Variants in FSD1L observed in about 807,000 individuals in gnomAD.
The protein encoded by FSD1L is fibronectin type III and SPRY domain containing 1 like.
In FSD1L, 45 loss-of-function variants were observed where a neutral mutation model predicts 71.6. The observed-to-expected ratio is 0.63, with a 90% CI of 0.49 to 0.81. The LOEUF is 0.81. Among genes scored for constraint, FSD1L ranks in the 30% least tolerant of loss-of-function variants. The pLI is 0.00. For missense variants in FSD1L, 561 were observed against 618.1 expected (o/e 0.91, Z 0.98); for synonymous variants, 197 against 207.2 (o/e 0.95, Z 0.42).
rs146311356 is a variant in FSD1L, at chr9:105,487,199, A to G, written c.586+2697A>G. 3.8e-3 allele frequency among the ~76,000 whole-genome samples: 573 copies of G among 152,204 alleles called. 7 individuals are homozygous for G. The highest frequency in any genetic ancestry group is 0.013 in the African/African-American group (541 of 41,540). On this transcript the variant is annotated intron_variant, in intron 7 of 13. Transcript: ENST00000481272. ...TGTAATTAGTTCTTGATGAGTATTT[A>G]GGTTTATAGTCTTTTCATTAGAAAC... is the stretch of plus-strand genomic sequence containing the variant.
chr9:105,456,443 C>A (rs1830361044), intron 1 of FSD1L, among the ~76,000 whole-genome samples: 1 of 152,140 alleles, frequency 6.6e-6, no homozygotes, highest in African/African-American at 2.4e-5. Context: ...TACCAAAGTG[C>A]TCTTTTGCTC....
intron 1 of FSD1L, among the ~76,000 whole-genome samples, chr9:105,454,552 A>G (rs1830247545): frequency 6.6e-6 from 1 of 152,194 alleles, no homozygotes; most frequent in Admixed American, 6.5e-5. Context: ...GTTAGTTTAT[A>G]CTAATACTCG....
At chr9:105,516,943 A>G (rs1002027336) in intron 10 of FSD1L, among the ~76,000 whole-genome samples, 2 of 152,354 alleles carry the variant, frequency 1.3e-5, no homozygotes, top group African/African-American at 4.8e-5. Context: ...GGTTAGATGA[A>G]TTGCTAACTA....
intron 7 of FSD1L, among the ~76,000 whole-genome samples, chr9:105,493,926 C>G (rs1349746232): frequency 1.3e-5 from 2 of 152,138 alleles, no homozygotes; most frequent in Admixed American, 1.3e-4. Context: ...CTCTGGCTGC[C>G]CTTAACATTT....
chr9:105,536,295 C>T (rs1288198567), intron 12 of FSD1L, among the ~76,000 whole-genome samples: 2 of 152,210 alleles, frequency 1.3e-5, no homozygotes, highest in Non-Finnish European at 2.9e-5. Context: ...CATGTTCACA[C>T]GATAATCCTT....
At chr9:105,505,651 T>C (rs1172631558) in intron 7 of FSD1L, among the ~76,000 whole-genome samples, 1 of 152,226 alleles carries the variant, frequency 6.6e-6, no homozygotes, top group Non-Finnish European at 1.5e-5. Context: ...TTCATTGATA[T>C]CATTATATAA....
rs560548365 is a variant in FSD1L, at chr9:105,463,007, G to A, written c.112-1229G>A. Among the ~76,000 whole-genome samples, 313 of 151,028 alleles carry A rather than the reference G, an allele frequency of 2.1e-3. 1 individual carries two copies. The highest frequency in any genetic ancestry group is 7.1e-3 in the African/African-American group (293 of 41,232). The stretch of plus-strand genomic sequence containing the variant: ...GCAAAAATTAGCTGGGCGTGGTGGC[G>A]GACACCTGTAATTCCAGCTACTCGG... On this transcript the variant is annotated intron_variant, in intron 2 of 13. Coordinates refer to ENST00000481272, the MANE Select transcript of FSD1L (RefSeq NM_001145313.3).
At chr9:105,544,633 C>G (rs1454708846) in intron 13 of FSD1L, among the ~76,000 whole-genome samples, 1 of 151,952 alleles carries the variant, frequency 6.6e-6, no homozygotes, top group Non-Finnish European at 1.5e-5. Flanking sequence ...CCAGTTTCAG[C>G]TTTCTACATA....
At position 105,546,419 on chromosome 9, in the gene FSD1L, T is replaced by C; in HGVS notation, c.1529T>C (p.Leu510Pro). The C allele has an allele frequency of 6.4e-7, 1 of 1,550,406 alleles. No homozygotes were observed. Among genetic ancestry groups the C allele is most frequent in the Non-Finnish European group, 8.7e-7 (1 of 1,146,146 alleles). The change falls in exon 14 of 14, where the codon CTT becomes CCT. Residue 510 changes from leucine (L) to proline (P), a missense_variant. This residue lies in a region of FSD1L where 98 missense variants were observed against 102.3 expected (regional missense o/e 0.96). Coordinates refer to ENST00000481272, the MANE Select transcript of FSD1L (RefSeq NM_001145313.3). Reference protein sequence around the residue: ...GMQVPSAVRTLQKSENGMTGS... With the variant: ...GMQVPSAVRTPQKSENGMTGS... ...CAGGTTCCAAGTGCTGTGAGAACACTTCAGAAAAGTGAAAATGGAATGACT... is the reference window on the plus strand; with the variant it reads ...CAGGTTCCAAGTGCTGTGAGAACACCTCAGAAAAGTGAAAATGGAATGACT...
intron 1 of FSD1L, among the ~76,000 whole-genome samples, chr9:105,452,176 G>A (rs935098334): frequency 6.6e-6 from 1 of 152,186 alleles, no homozygotes; most frequent in African/African-American, 2.4e-5. Flanking sequence ...CCTGCTCCAA[G>A]CTATGTGCTA....
intron 6 of FSD1L, among the ~76,000 whole-genome samples, chr9:105,482,056 T>A (rs1018651967): frequency 2.0e-5 from 3 of 152,182 alleles, no homozygotes; most frequent in Non-Finnish European, 2.9e-5. Context: ...GTTACAGATA[T>A]GAGCCACCAT....
intron 7 of FSD1L, among the ~76,000 whole-genome samples, chr9:105,502,350 T>A (rs1833810847): frequency 6.6e-6 from 1 of 152,216 alleles, no homozygotes; most frequent in Admixed American, 6.5e-5. Context: ...AAGAAAACTT[T>A]GATTGTTGCC....
At chr9:105,525,625 C>T in intron 10 of FSD1L, 1 of 1,612,346 alleles carries the variant, frequency 6.2e-7, no homozygotes, top group Non-Finnish European at 8.5e-7. Flanking sequence ...TGAAAAGCTA[C>T]TTAGAGAACT....
chr9:105,516,178 G>T (rs113602993), intron 10 of FSD1L, among the ~76,000 whole-genome samples: 24 of 152,330 alleles, frequency 1.6e-4, no homozygotes, highest in African/African-American at 5.1e-4. Context: ...TGAAAAAAAG[G>T]CACCAGCGTC....
At chr9:105,474,454 A>G (rs898690576) in intron 5 of FSD1L, among the ~76,000 whole-genome samples, 10 of 152,186 alleles carry the variant, frequency 6.6e-5, no homozygotes, top group Non-Finnish European at 1.5e-4. Flanking sequence ...TTTTCTTCAT[A>G]TGTCCAAATA....
At chr9:105,475,786 C>G (rs1415061320) in intron 5 of FSD1L, among the ~76,000 whole-genome samples, 1 of 152,096 alleles carries the variant, frequency 6.6e-6, no homozygotes, top group African/African-American at 2.4e-5. Context: ...AAGTTATTCA[C>G]TGGGGCTTTT....
intron 7 of FSD1L, among the ~76,000 whole-genome samples, chr9:105,499,660 T>C (rs1344168661): frequency 2.6e-5 from 4 of 151,786 alleles, no homozygotes; most frequent in Admixed American, 1.3e-4. Context: ...TTTATGTGTG[T>C]ATGGCAGGGA....
chr9:105,521,848 T>C (rs1835183637), intron 10 of FSD1L: 3 of 1,612,424 alleles, frequency 1.9e-6, no homozygotes, highest in Non-Finnish European at 2.5e-6. Context: ...CAGGTGTTTA[T>C]TATAAACTCA....
intron 10 of FSD1L, chr9:105,522,586 C>G (rs1432657883): frequency 2.5e-6 from 4 of 1,613,160 alleles, no homozygotes; most frequent in Non-Finnish European, 3.4e-6. Context: ...AGTGAAGAAA[C>G]TGGAAATGAA....
Sources: allele counts gnomAD v4.1 joint callset (sites outside exome capture counted in the v4.1 genomes callset), GRCh38; gene constraint gnomAD v4.1.1; regional missense constraint gnomAD v4.1.1; transcripts MANE v1.5; gene names NCBI Gene and HGNC (gene_info 2026-07-23, HGNC 2026-07-21).